Variants in ECHDC1 observed in about 807,000 individuals in gnomAD.
ECHDC1 encodes ethylmalonyl-CoA decarboxylase 1, also known as ethylmalonyl-CoA decarboxylase.
A neutral mutation model predicts 29.7 loss-of-function variants in ECHDC1; 29 were observed. The observed-to-expected ratio is 0.98, with a 90% CI of 0.73 to 1.33. The LOEUF (loss-of-function observed/expected upper bound fraction) is 1.33. ECHDC1 is among the 40% of genes most tolerant of loss of function. The pLI is 0.00. For missense variants in ECHDC1, 328 were observed against 350.0 expected (o/e 0.94, Z 0.50); for synonymous variants, 126 against 123.1 (o/e 1.02, Z -0.15).
chr6:127,308,175 C>T (rs764992427), intron 5 of ECHDC1, among the ~76,000 whole-genome samples: 1 of 152,184 alleles, frequency 6.6e-6, no homozygotes, highest in South Asian at 2.1e-4. Flanking sequence ...TGATACCAAA[C>T]CAGATAAAGA....
chr6:127,314,924 A>G (rs955159970), intron 4 of ECHDC1, 28 bp from the exon 5 acceptor site: 6 of 1,580,434 alleles, frequency 3.8e-6, no homozygotes, highest in Non-Finnish European at 5.2e-6. Context: ...AACTGATGTT[A>G]CTATTTTTAA....
chr6:127,298,425 G>A (rs1780789526), intron 5 of ECHDC1, among the ~76,000 whole-genome samples: 1 of 151,930 alleles, frequency 6.6e-6, no homozygotes, highest in South Asian at 2.1e-4. Context: ...ATTTTCCCAT[G>A]TTTTTAGAAT....
At chr6:127,314,149 T>C (rs1189988715) in intron 5 of ECHDC1, among the ~76,000 whole-genome samples, 2 of 152,200 alleles carry the variant, frequency 1.3e-5, no homozygotes, top group Non-Finnish European at 1.5e-5. Context: ...TCACAGAGCA[T>C]TGTATTGGTC....
chr6:127,312,507 T>C (rs922782651), intron 5 of ECHDC1, among the ~76,000 whole-genome samples: 4 of 152,096 alleles, frequency 2.6e-5, no homozygotes, highest in Non-Finnish European at 4.4e-5. Context: ...ACCTAGAAAA[T>C]TTAAGAAACC....
chr6:127,337,077 G>GAT (rs1784489550), intron 1 of ECHDC1, among the ~76,000 whole-genome samples: 1 of 152,010 alleles, frequency 6.6e-6, no homozygotes, highest in Non-Finnish European at 1.5e-5. Flanking sequence ...ATTTAACCCT[G>GAT]TATATTGTGA....
chr6:127,293,630 TA>T (rs1178028507), intron 5 of ECHDC1, among the ~76,000 whole-genome samples: 1 of 152,202 alleles, frequency 6.6e-6, no homozygotes, highest in Non-Finnish European at 1.5e-5. Context: ...CTGTATGTTT[TA>T]AAAAATTGTG....
chr6:127,334,713 T>C (rs1784284059), intron 1 of ECHDC1, among the ~76,000 whole-genome samples: 3 of 152,138 alleles, frequency 2.0e-5, no homozygotes, highest in Non-Finnish European at 4.4e-5. Flanking sequence ...TCCCCTATAT[T>C]GTTCTTTCCT....
intron 3 of ECHDC1, among the ~76,000 whole-genome samples, chr6:127,320,070 T>C (rs957994866): frequency 2.6e-5 from 4 of 152,290 alleles, no homozygotes; most frequent in Admixed American, 1.3e-4. Context: ...CAGGCTGAAG[T>C]GCAGTGGCGT....
chr6:127,332,124 T>C (rs1784011682), intron 1 of ECHDC1, among the ~76,000 whole-genome samples: 1 of 152,162 alleles, frequency 6.6e-6, no homozygotes, highest in South Asian at 2.1e-4. Flanking sequence ...AAACAGAACA[T>C]AACCTGAAGC....
intron 5 of ECHDC1, among the ~76,000 whole-genome samples, chr6:127,291,505 T>G (rs1384108092): frequency 6.6e-6 from 1 of 152,042 alleles, no homozygotes; most frequent in African/African-American, 2.4e-5. Flanking sequence ...ATGAATAGGA[T>G]GATTAATAAG....
intron 5 of ECHDC1, among the ~76,000 whole-genome samples, chr6:127,302,455 A>G (rs1235292037): frequency 6.6e-6 from 1 of 151,414 alleles, no homozygotes; most frequent in Non-Finnish European, 1.5e-5. Flanking sequence ...GTTGGAGTGC[A>G]GTGCCGCCAT....
chr6:127,337,936 AT>A (rs1318033494), intron 1 of ECHDC1, among the ~76,000 whole-genome samples: 2 of 152,222 alleles, frequency 1.3e-5, no homozygotes, highest in Non-Finnish European at 2.9e-5. Context: ...TTAAAGGCAA[AT>A]TTTTAAAAAC....
chr6:127,295,550 T>A (rs1243341376), intron 5 of ECHDC1, among the ~76,000 whole-genome samples: 1 of 152,038 alleles, frequency 6.6e-6, no homozygotes, highest in Non-Finnish European at 1.5e-5. Flanking sequence ...TCACCAAAAA[T>A]CTCTAAAAAG....
intron 5 of ECHDC1, among the ~76,000 whole-genome samples, chr6:127,311,412 G>A (rs1414814628): frequency 6.6e-6 from 1 of 151,928 alleles, no homozygotes; most frequent in Non-Finnish European, 1.5e-5. Context: ...GGTGGCTCAC[G>A]CCTGTAATCC....
chr6:127,324,411 T>C (rs918542920), intron 3 of ECHDC1, among the ~76,000 whole-genome samples: 1 of 152,214 alleles, frequency 6.6e-6, no homozygotes, highest in African/African-American at 2.4e-5. Context: ...CTTTCTCATT[T>C]AGTTGAGTGG....
intron 5 of ECHDC1, among the ~76,000 whole-genome samples, chr6:127,306,082 C>G (rs183432668): frequency 3.4e-5 from 5 of 146,810 alleles, no homozygotes; most frequent in African/African-American, 1.2e-4. Flanking sequence ...TAAAGACACA[C>G]GAAGACTGAA....
intron 1 of ECHDC1, chr6:127,331,802 GAAGTT>G (rs1320133474): frequency 6.1e-6 from 6 of 983,764 alleles, no homozygotes; most frequent in Admixed American, 1.2e-4. Flanking sequence ...CTCTCTAACA[GAAGTT>G]TTATTCTTAG....
chr6:127,302,365 T>G (rs1445373236), intron 5 of ECHDC1, among the ~76,000 whole-genome samples: 2 of 152,104 alleles, frequency 1.3e-5, no homozygotes, highest in Non-Finnish European at 2.9e-5. Context: ...GATTTTTCAG[T>G]GTAATAATGC....
At chr6:127,331,618 C>T (rs1171034983) in intron 1 of ECHDC1, among the ~76,000 whole-genome samples, 1 of 152,134 alleles carries the variant, frequency 6.6e-6, no homozygotes, top group Non-Finnish European at 1.5e-5. Flanking sequence ...AATAGGAAAG[C>T]TTAGAAAAAA....
Sources: gnomAD v4.1 joint callset for allele counts (sites outside exome capture counted in the v4.1 genomes callset) on GRCh38, gnomAD v4.1.1 for gene constraint, MANE v1.5 for transcripts, NCBI Gene and HGNC (gene_info 2026-07-23, HGNC 2026-07-21) for gene names.